The following KRT73 variants were observed in gnomAD, a reference collection of about 807,000 sequenced individuals.
KRT73 encodes keratin 73, also known as keratin, type II cytoskeletal 73.
A neutral mutation model predicts 47.2 loss-of-function variants in KRT73; 44 were observed. That is an observed-to-expected ratio of 0.93 (90% CI 0.73 to 1.20). The LOEUF is 1.20. KRT73 is among the 50% of genes most tolerant of loss of function. KRT73 has a pLI of 0.00. For synonymous variants in KRT73, 285 were observed against 291.3 expected (o/e 0.98, Z 0.22); for missense variants, 713 against 704.5 (o/e 1.01, Z -0.14).
Position 52,618,365 on chromosome 12 carries a change from C to A in KRT73, c.160G>T (p.Ala54Ser), listed in dbSNP as rs755021343. The change falls in exon 1 of 9, where the codon GCC becomes TCC. Residue 54 changes from alanine (A) to serine (S), a missense_variant. Physicochemically the swap from Ala to Ser is moderately conservative, Grantham distance 99 (BLOSUM62 1). Transcript: ENST00000305748. The stretch of plus-strand genomic sequence containing the variant: ...GCCACATTGAAAGAGATGCTCCGGG[C>A]ACCCCCCAGGCTGTAAAGGCTCCGA... ...SSRSLYSLGGARSISFNVASG... is the reference protein window; with the variant it reads ...SSRSLYSLGGSRSISFNVASG... 34 of 1,614,072 alleles carry A rather than the reference C, an allele frequency of 2.1e-5. No homozygotes were observed. The South Asian group carries it at 3.6e-4, about 17-fold the overall frequency.
Position 52,618,457 on chromosome 12 carries a change from A to G in KRT73, c.68T>C (p.Val23Ala), listed in dbSNP as rs1361739009. The G allele has an allele frequency of 1.2e-6, 2 of 1,613,722 alleles. No homozygotes were observed. The highest frequency in any genetic ancestry group is 3.3e-5 in the Admixed American group (2 of 60,004). Residue 23 changes from valine to alanine, a missense_variant, in exon 1 of 9, where the codon GTG (valine) becomes GCG (alanine). By Grantham distance (64) the Val-to-Ala change is moderately conservative (BLOSUM62 0). Transcript: ENST00000305748. ...AKGGFSGCSA[V>A]LSGGSSSSYR... ...GGAGGATGAGCTGCCCCCTGAGAGC[A>G]CAGCGGAGCAGCCGCTGAAGCCCCC...
At position 52,618,546 on chromosome 12, in the gene KRT73, G is replaced by A. The variant is rs1471228110; in HGVS notation, c.-22C>T. 1 of 1,576,414 alleles carries A rather than the reference G, an allele frequency of 6.3e-7. No homozygotes were observed. Among genetic ancestry groups the A allele is most frequent in the Non-Finnish European group, 8.6e-7 (1 of 1,162,312 alleles). ...TCATGGTGGGGAGGCCAGAAAGTGG[G>A]GATAAGATGCTGACCCTTAGCTGAG... On this transcript the variant is annotated 5_prime_UTR_variant, in exon 1 of 9. Coordinates refer to ENST00000305748, the MANE Select transcript of KRT73 (RefSeq NM_175068.3).
At chr12:52,628,765 C>T in the KRT73 span, among the ~76,000 whole-genome samples, 1 of 152,108 alleles carries the variant, frequency 6.6e-6, no homozygotes, top group African/African-American at 2.4e-5. Flanking sequence ...TCTTCTGGGG[C>T]CTGGCATTTG....
At chr12:52,608,523 C>A (rs1189999808) in intron 8 of KRT73, 71 bp from the exon 9 acceptor site, 1 of 1,353,558 alleles carries the variant, frequency 7.4e-7, no homozygotes. Flanking sequence ...CCCCCTCCAA[C>A]CTCCCAGCCC....
the KRT73 span, among the ~76,000 whole-genome samples, chr12:52,625,897 T>C: frequency 6.6e-6 from 1 of 152,324 alleles, no homozygotes; most frequent in East Asian, 1.9e-4. Context: ...ATTTGTATAT[T>C]GTATGATTCC....
In KRT73 at chr12:52,611,260, C is replaced by G; in HGVS notation, c.1054G>C (p.Glu352Gln). The G allele has an allele frequency of 6.2e-7, 1 of 1,614,160 alleles. No individual in the cohort carries two copies. Among genetic ancestry groups the G allele is most frequent in the Non-Finnish European group, 8.5e-7 (1 of 1,180,032 alleles). ...AGTCTTTGGATGAGACGGGTCAGCTCTGAGATCTCATTTTTGGTGTGTTTC... is the reference window on the plus strand; with the variant it reads ...AGTCTTTGGATGAGACGGGTCAGCTGTGAGATCTCATTTTTGGTGTGTTTC... ...DLKHTKNEIS[E>Q]LTRLIQRLRS... The change falls in exon 6 of 9, where the codon GAG becomes CAG. Residue 352 changes from glutamate (E) to glutamine (Q), a missense_variant. Coordinates refer to ENST00000305748, the MANE Select transcript of KRT73 (RefSeq NM_175068.3).
At chr12:52,611,098 A>G (rs2120861526) in intron 6 of KRT73, 106 bp downstream of exon 6, 6 of 1,401,464 alleles carry the variant, frequency 4.3e-6, no homozygotes, top group South Asian at 1.3e-5. Context: ...CTCCATTTGA[A>G]GAAGGGGATT....
upstream of KRT73, among the ~76,000 whole-genome samples, chr12:52,622,982 G>A (rs1307008081): frequency 2.0e-5 from 3 of 152,154 alleles, no homozygotes; most frequent in Non-Finnish European, 4.4e-5. Flanking sequence ...CAAGTCTCAG[G>A]ATCAGGGAGA....
At chr12:52,629,686 G>A in the KRT73 span, among the ~76,000 whole-genome samples, 2 of 152,208 alleles carry the variant, frequency 1.3e-5, no homozygotes, top group Admixed American at 1.3e-4. Flanking sequence ...TCTCTAGATT[G>A]CCTGTTCGCA....
the KRT73 span, among the ~76,000 whole-genome samples, chr12:52,629,929 T>C: frequency 6.6e-6 from 1 of 151,760 alleles, no homozygotes. Flanking sequence ...ACACTCACAC[T>C]CTCCCAGGCC....
At position 52,611,329 on chromosome 12, in the gene KRT73, A is replaced by C. The variant is rs754455323; in HGVS notation, c.985T>G (p.Phe329Val). 15 of 1,614,064 alleles carry C rather than the reference A, an allele frequency of 9.3e-6. No individual in the cohort carries two copies. The highest frequency in any genetic ancestry group is 1.3e-5 in the Non-Finnish European group (15 of 1,180,014). The change falls in exon 6 of 9, where the codon TTC becomes GTC. Residue 329 changes from phenylalanine (F) to valine (V), a missense_variant and splice_region_variant. Phe to Val is a conservative substitution (Grantham distance 50). Transcript: ENST00000305748. ...AEAEALYQTK[F>V]QELQLAAGRH... is the part of the protein sequence containing the mutation. The stretch of plus-strand genomic sequence containing the variant: ...CCGGCTGCTAGCTGCAGCTCCTGGA[A>C]CTAGAGGAAAAGGAACCAAAGCAAG...
At chr12:52,625,858 T>TAAA in the KRT73 span, among the ~76,000 whole-genome samples, 1 of 149,488 alleles carries the variant, frequency 6.7e-6, no homozygotes, top group Non-Finnish European at 1.5e-5. Context: ...TTATACTGAG[T>TAAA]AAAAAAAAAA....
Position 52,617,115 on chromosome 12 carries a change from C to G in KRT73, c.448-735G>C, listed in dbSNP as rs140787147. Among the ~76,000 whole-genome samples the G allele has an allele frequency of 1.2e-4, 18 of 152,270 alleles. 1 individual carries two copies. Among genetic ancestry groups the G allele is most frequent in the Middle Eastern group, 3.4e-3 (1 of 294 alleles). ...CAGTGATGTCGTAAACCGAAGGTCTCCCATTCCCCAGACAAGTTCTACCAT... is the reference window on the plus strand; with the variant it reads ...CAGTGATGTCGTAAACCGAAGGTCTGCCATTCCCCAGACAAGTTCTACCAT... On this transcript the variant is annotated intron_variant, in intron 1 of 8. Transcript: ENST00000305748.
chr12:52,623,028 T>C (rs189198012), upstream of KRT73, among the ~76,000 whole-genome samples: 27 of 151,974 alleles, frequency 1.8e-4, no homozygotes, highest in Admixed American at 6.5e-4. Context: ...GTCACTGGGG[T>C]TCAGAAGGAA....
intron 1 of KRT73, 28 bp downstream of exon 1, chr12:52,618,050 A>G: frequency 1.9e-6 from 3 of 1,608,658 alleles, no homozygotes; most frequent in Non-Finnish European, 2.5e-6. Context: ...AGGGGAGCCC[A>G]AGATCAGCTT....
chr12:52,611,063 T>A, intron 6 of KRT73, 141 bp downstream of exon 6: 1 of 1,136,384 alleles, frequency 8.8e-7, no homozygotes, highest in Non-Finnish European at 1.3e-6. Flanking sequence ...AGATGGGAGC[T>A]AAGGGTGAGG....
At position 52,618,405 on chromosome 12, in the gene KRT73, A is replaced by T. The variant is rs1940855621; in HGVS notation, c.120T>A (p.Ser40Arg). 1.2e-6 allele frequency: 2 copies of T among 1,614,048 alleles called. No homozygotes were observed. Among genetic ancestry groups the T allele is most frequent in the Non-Finnish European group, 1.7e-6 (2 of 1,180,044 alleles). The change falls in exon 1 of 9, where the codon AGT (serine) becomes AGA (arginine). Residue 40 changes from serine (S) to arginine (R), a missense_variant. By Grantham distance (110) the Ser-to-Arg change is moderately radical. Coordinates refer to ENST00000305748, the MANE Select transcript of KRT73 (RefSeq NM_175068.3). ...AAAGGCTCCGACTGCTGAAGCCTCC[A>T]CTGAGCCCTTTGCCCCCTGCTCGGT... is the stretch of plus-strand genomic sequence containing the variant. ...SSYRAGGKGL[S>R]GGFSSRSLYS...
chr12:52,613,966 C>T lies in KRT73; in HGVS notation c.820-114G>A, dbSNP rs1940758892. On this transcript the variant is annotated intron_variant, in intron 4 of 8. Coordinates refer to ENST00000305748, the MANE Select transcript of KRT73 (RefSeq NM_175068.3). ...GACCATCCCACACAGATGGAAGCTG[C>T]ACTTCCCAAAGCTTGTAAGAACAGA... 5.5e-6 allele frequency: 8 copies of T among 1,458,052 alleles called. No homozygotes were observed. In the South Asian group the frequency reaches 6.9e-5, roughly 13 times the overall value. 90.3% of individuals were successfully genotyped at this position (1,458,052 alleles called of 1,614,324 possible). A position where few individuals can be genotyped will look rare whatever the true frequency, so the allele number is the denominator to read the frequency against.
At position 52,618,390 on chromosome 12, in the gene KRT73, A is replaced by T; in HGVS notation, c.135T>A (p.Ser45Arg). The part of the protein sequence containing the change: ...GGKGLSGGFS[S>R]RSLYSLGGAR... The stretch of plus-strand genomic sequence containing the variant: ...CACCCCCCAGGCTGTAAAGGCTCCG[A>T]CTGCTGAAGCCTCCACTGAGCCCTT... The change falls in exon 1 of 9, where the codon AGT (serine) becomes AGA (arginine). Residue 45 changes from serine to arginine, a missense_variant. By Grantham distance (110) the Ser-to-Arg change is moderately radical. Coordinates refer to ENST00000305748, the MANE Select transcript of KRT73 (RefSeq NM_175068.3). 1.2e-6 allele frequency: 2 copies of T among 1,614,148 alleles called. No individual in the cohort carries two copies. The highest frequency in any genetic ancestry group is 1.7e-6 in the Non-Finnish European group (2 of 1,180,036).
Sources: gnomAD v4.1 joint callset for allele counts (sites outside exome capture counted in the v4.1 genomes callset) on GRCh38, gnomAD v4.1.1 for gene constraint, MANE v1.5 for transcripts, NCBI Gene and HGNC (gene_info 2026-07-23, HGNC 2026-07-21) for gene names.